STPG1: variants seen among roughly 807,000 people sequenced by gnomAD.
STPG1 encodes sperm tail PG-rich repeat containing 1.
Under a neutral mutation model 40.1 loss-of-function variants are expected in STPG1, and 33 were observed. The ratio of observed to expected loss-of-function variants is 0.82; its 90% CI spans 0.62 to 1.10. The LOEUF is 1.10. Ranked by LOEUF, STPG1 falls within the 50% of genes least tolerant of loss-of-function variation. The pLI is 0.00. For synonymous variants in STPG1, 150 were observed against 155.0 expected, an observed-to-expected ratio of 0.97 and a Z score of 0.24; for missense variants, 396 against 415.1, an observed-to-expected ratio of 0.95 and a Z score of 0.40.
chr1:24,403,576 T>C (rs1164944930), intron 1 of STPG1, among the ~76,000 whole-genome samples: 1 of 152,162 alleles, frequency 6.6e-6, no homozygotes, highest in Non-Finnish European at 1.5e-5. Context: ...CTTTGTTGAG[T>C]ATTATGTTCC....
At chr1:24,406,448 C>A (rs1174160552) in intron 1 of STPG1, among the ~76,000 whole-genome samples, 4 of 151,998 alleles carry the variant, frequency 2.6e-5, no homozygotes, top group Admixed American at 1.3e-4. Context: ...AGTATTTTAT[C>A]ATTTTCAGTG....
At chr1:24,397,531 A>C (rs1643056300) in intron 2 of STPG1, among the ~76,000 whole-genome samples, 1 of 152,204 alleles carries the variant, frequency 6.6e-6, no homozygotes, top group Non-Finnish European at 1.5e-5. Context: ...AATCCTTAGA[A>C]AAATTTTAGC....
In STPG1 at chr1:24,371,540, G is replaced by A. The variant is rs1319004408; in HGVS notation, c.572-1701C>T. 2.7e-5 allele frequency among the ~76,000 whole-genome samples: 4 copies of A among 150,238 alleles called. No homozygotes were observed. The East Asian group carries it at 5.8e-4, about 22-fold the overall frequency. On this transcript the variant is annotated intron_variant, in intron 6 of 8. Transcript: ENST00000337248. ...CAGGAGGCGAAGGTTGCAGTGAGCC[G>A]AGATTGCACCGTTGCTCTCCAGCCT...
Position 24,373,812 on chromosome 1 carries a change from T to G in STPG1, c.463-2A>C. ...CTGCTTGCAGCAAGAGACAGAGGCCTAGGGGGAGAAAATACACCCAATGTA... is the reference window on the plus strand; with the variant it reads ...CTGCTTGCAGCAAGAGACAGAGGCCGAGGGGGAGAAAATACACCCAATGTA... On this transcript the variant is annotated splice_acceptor_variant, in intron 5 of 8. Transcript: ENST00000337248. LOFTEE classifies it high-confidence loss of function. The G allele has an allele frequency of 6.3e-7, 1 of 1,598,598 alleles. No homozygotes were observed. The highest frequency in any genetic ancestry group is 8.6e-7 in the Non-Finnish European group (1 of 1,166,616).
intron 7 of STPG1, among the ~76,000 whole-genome samples, chr1:24,363,078 A>G (rs973395357): frequency 5.3e-5 from 8 of 152,170 alleles, no homozygotes; most frequent in African/African-American, 1.9e-4. Flanking sequence ...ATCAACCATT[A>G]TATGAGGTCA....
At chr1:24,396,251 A>G (rs1056467084) in intron 2 of STPG1, among the ~76,000 whole-genome samples, 2 of 146,886 alleles carry the variant, frequency 1.4e-5, no homozygotes, top group Non-Finnish European at 3.0e-5. Context: ...ATATCTGTCT[A>G]TCTATCTATC....
At chr1:24,404,651 T>G (rs139334597) in intron 1 of STPG1, among the ~76,000 whole-genome samples, 9 of 152,316 alleles carry the variant, frequency 5.9e-5, no homozygotes, top group South Asian at 2.1e-4. Flanking sequence ...TGGTAATTTG[T>G]GTATTTTAAG....
intron 4 of STPG1, among the ~76,000 whole-genome samples, chr1:24,381,701 G>GT (rs1297411248): frequency 1.3e-5 from 2 of 152,202 alleles, no homozygotes; most frequent in Admixed American, 1.3e-4. Flanking sequence ...AAAATTTATA[G>GT]ACCCACAGAG....
chr1:24,384,556 T>C (rs993974056), intron 3 of STPG1, among the ~76,000 whole-genome samples: 2 of 152,150 alleles, frequency 1.3e-5, no homozygotes, highest in Non-Finnish European at 2.9e-5. Flanking sequence ...CTCTTGAGGC[T>C]CAAGTGCTGA....
At chr1:24,396,184 C>A (rs773616993) in intron 2 of STPG1, among the ~76,000 whole-genome samples, 1 of 152,092 alleles carries the variant, frequency 6.6e-6, no homozygotes, top group Non-Finnish European at 1.5e-5. Context: ...AAGATATATA[C>A]TATAAACTCT....
intron 7 of STPG1, 85 bp downstream of exon 7, chr1:24,369,589 C>G (rs1440025712): frequency 1.2e-5 from 17 of 1,433,056 alleles, no homozygotes; most frequent in Non-Finnish European, 1.6e-5. Flanking sequence ...CTCTGCCAAG[C>G]AGTGACACCC....
At chr1:24,366,322 C>A (rs1330008329) in intron 7 of STPG1, among the ~76,000 whole-genome samples, 1 of 152,180 alleles carries the variant, frequency 6.6e-6, no homozygotes, top group Non-Finnish European at 1.5e-5. Flanking sequence ...CAGATGGGGT[C>A]ACCTCAGGGG....
intron 7 of STPG1, 73 bp from the exon 8 acceptor site, chr1:24,361,114 C>A: frequency 1.5e-6 from 2 of 1,348,050 alleles, no homozygotes; most frequent in Non-Finnish European, 2.0e-6. Context: ...TAGACACAGC[C>A]AAGACCTGCA....
Position 24,358,569 on chromosome 1 carries a change from C to A in STPG1, c.979G>T (p.Asp327Tyr). 1 of 1,614,122 alleles carries A rather than the reference C, an allele frequency of 6.2e-7. No homozygotes were observed. Among genetic ancestry groups the A allele is most frequent in the Non-Finnish European group, 8.5e-7 (1 of 1,179,982 alleles). The change falls in exon 9 of 9, where the codon GAC (aspartate) becomes TAC (tyrosine). Residue 327 changes from aspartate (D) to tyrosine (Y), a missense_variant. Asp to Tyr is a radical substitution (Grantham distance 160). Coordinates refer to ENST00000337248, the MANE Select transcript of STPG1 (RefSeq NM_001199013.2). ...PGKQSFLYNE[D>Y]KKWIPVL ...TACAGAACCGGGATCCATTTCTTGT[C>A]CTCGTTGTAGAGGAAGGACTGCTTT... is the stretch of plus-strand genomic sequence containing the variant.
intron 7 of STPG1, chr1:24,369,439 G>A (rs1454063399): frequency 1.5e-6 from 1 of 658,506 alleles, no homozygotes; most frequent in Non-Finnish European, 2.8e-6. Context: ...TCTTACAACA[G>A]GATTATAATA....
chr1:24,373,799 A>G lies in STPG1; in HGVS notation c.474T>C (p.Ser158=). Residue 158 remains serine, a synonymous_variant, in exon 6 of 9, where the codon TCT becomes TCC. Coordinates refer to ENST00000337248, the MANE Select transcript of STPG1 (RefSeq NM_001199013.2). The stretch of plus-strand genomic sequence containing the variant: ...AGACGTTGTTTCTCTGCTTGCAGCA[A>G]GAGACAGAGGCCTAGGGGGAGAAAA... The part of the protein sequence containing the change: ...PAPNYYNASV[S]CCKQRNNVCT... 1.9e-6 allele frequency: 3 copies of G among 1,608,594 alleles called. No individual in the cohort carries two copies. In the South Asian group the frequency reaches 3.3e-5, roughly 18 times the overall value.
chr1:24,378,840 C>T (rs144058360), intron 5 of STPG1, among the ~76,000 whole-genome samples: 12 of 152,016 alleles, frequency 7.9e-5, no homozygotes, highest in African/African-American at 2.9e-4. Context: ...TTATGGTAAC[C>T]CTGTAGGGCA....
intron 2 of STPG1, among the ~76,000 whole-genome samples, chr1:24,392,370 T>A (rs1226589336): frequency 6.6e-6 from 1 of 152,172 alleles, no homozygotes; most frequent in African/African-American, 2.4e-5. Context: ...GATTATAGAC[T>A]CTAACCTGTA....
chr1:24,360,878 G>A lies in STPG1; in HGVS notation c.901C>T (p.Pro301Ser). Residue 301 changes from proline to serine, a missense_variant, in exon 8 of 9, where the codon CCG becomes TCG. Transcript: ENST00000337248. ...GGGCCAGGCAGGCCTGGCTGAGGCG[G>A]CGCCGCTGTCCACCGGCTGGTATTG... The part of the protein sequence containing the change: ...VSNTSRWTAA[P>S]PQPGLPGPAT... 1 of 1,613,400 alleles carries A rather than the reference G, an allele frequency of 6.2e-7. No individual in the cohort carries two copies. The highest frequency in any genetic ancestry group is 1.1e-5 in the South Asian group (1 of 90,882).
Sources: allele counts gnomAD v4.1 joint callset (sites outside exome capture counted in the v4.1 genomes callset), GRCh38; gene constraint gnomAD v4.1.1; transcripts MANE v1.5; gene names NCBI Gene and HGNC (gene_info 2026-07-23, HGNC 2026-07-21).